TCF12: variants seen among roughly 807,000 people sequenced by gnomAD.
TCF12 encodes DNA-binding protein HTF4.
A neutral mutation model predicts 86.0 loss-of-function variants in TCF12; 45 were observed. That is an observed-to-expected ratio of 0.52 (90% CI 0.41 to 0.67). The LOEUF is 0.67. TCF12 is among the 30% of genes least tolerant of loss of function. The pLI, the probability that TCF12 is intolerant of heterozygous loss-of-function variation, is 0.00. For synonymous variants in TCF12, 330 were observed against 299.6 expected, an observed-to-expected ratio of 1.10 and a Z score of -1.05; for missense variants, 881 against 859.9, an observed-to-expected ratio of 1.02 and a Z score of -0.31.
chr15:57,243,251 T>A (rs2059712070), intron 12 of TCF12, among the ~76,000 whole-genome samples: 1 of 152,198 alleles, frequency 6.6e-6, no homozygotes, highest in Non-Finnish European at 1.5e-5. Flanking sequence ...ATACATGTGA[T>A]CTATTTTATT....
chr15:57,281,770 T>G (rs2152131627), intron 19 of TCF12: 1 of 152,884 alleles, frequency 6.5e-6, no homozygotes, highest in Middle Eastern at 3.4e-3. Flanking sequence ...GAAAACAGGC[T>G]CAGGGCTCCC....
intron 3 of TCF12, among the ~76,000 whole-genome samples, chr15:56,943,929 G>A (rs1450322329): frequency 4.6e-5 from 7 of 152,058 alleles, no homozygotes; most frequent in African/African-American, 1.7e-4. Context: ...TTGAACCTAG[G>A]AATCGTAATT....
chr15:56,926,406 CATT>C (rs1255098428), intron 3 of TCF12, among the ~76,000 whole-genome samples: 5 of 151,910 alleles, frequency 3.3e-5, no homozygotes, highest in African/African-American at 7.3e-5. Flanking sequence ...AACAAACACA[CATT>C]ATTGTAGTTT....
intron 8 of TCF12, among the ~76,000 whole-genome samples, chr15:57,202,029 C>T (rs1479054158): frequency 6.6e-6 from 1 of 152,158 alleles, no homozygotes; most frequent in African/African-American, 2.4e-5. Flanking sequence ...GTTAGTGGTG[C>T]AAGACTTCAT....
intron 6 of TCF12, among the ~76,000 whole-genome samples, chr15:57,181,248 T>G (rs1435130064): frequency 2.0e-5 from 3 of 151,990 alleles, no homozygotes; most frequent in African/African-American, 7.2e-5. Context: ...ACACTTAATT[T>G]TCCCTTTCTG....
chr15:57,243,785 A>G (rs1284775630), intron 13 of TCF12, among the ~76,000 whole-genome samples: 2 of 152,200 alleles, frequency 1.3e-5, no homozygotes, highest in Admixed American at 1.3e-4. Flanking sequence ...ATTTGTGATC[A>G]TTTCTAAGAA....
intron 3 of TCF12, among the ~76,000 whole-genome samples, chr15:57,019,996 A>T (rs2065380540): frequency 6.6e-6 from 1 of 152,150 alleles, no homozygotes; most frequent in African/African-American, 2.4e-5. Context: ...CTTGGCCTAT[A>T]TCCAGGAATG....
intron 3 of TCF12, among the ~76,000 whole-genome samples, chr15:57,016,506 A>G (rs1278889134): frequency 5.3e-5 from 8 of 152,172 alleles, no homozygotes; most frequent in Non-Finnish European, 1.0e-4. Flanking sequence ...CTTGCTGCTC[A>G]GAGTTCCTGT....
intron 3 of TCF12, among the ~76,000 whole-genome samples, chr15:57,053,218 A>G (rs1380383151): frequency 1.3e-5 from 2 of 152,164 alleles, no homozygotes; most frequent in African/African-American, 2.4e-5. Context: ...CCTGATATGT[A>G]TGATGCCGAG....
rs1410830938 is a variant in TCF12, at chr15:57,287,187, T to A, written c.*1042T>A. ...GCTGTAAGTAAGCACAAAATACATT[T>A]AAAATACAAAGACGATTTTTTCAGG... On this transcript the variant is annotated 3_prime_UTR_variant, in exon 21 of 21. Coordinates refer to ENST00000333725, the MANE Select transcript of TCF12 (RefSeq NM_207037.2). The A allele has an allele frequency of 6.5e-6, 1 of 153,596 alleles. No individual in the cohort carries two copies. The highest frequency in any genetic ancestry group is 2.4e-5 in the African/African-American group (1 of 41,456). 9.5% of individuals were successfully genotyped at this position (153,596 alleles called of 1,614,324 possible). A position where few individuals can be genotyped will look rare whatever the true frequency, so the allele number is the denominator to read the frequency against.
chr15:57,037,679 C>T (rs1465444666), intron 3 of TCF12, among the ~76,000 whole-genome samples: 1 of 152,072 alleles, frequency 6.6e-6, no homozygotes, highest in Non-Finnish European at 1.5e-5. Context: ...TAACAAGTAC[C>T]CTTGCTTTTT....
intron 5 of TCF12, among the ~76,000 whole-genome samples, chr15:57,131,593 T>C (rs544030038): frequency 1.3e-5 from 2 of 152,332 alleles, no homozygotes; most frequent in East Asian, 3.9e-4. Context: ...AAATGACCAC[T>C]TATAACAATA....
chr15:57,074,168 C>T (rs2151014535), intron 4 of TCF12, among the ~76,000 whole-genome samples: 1 of 152,172 alleles, frequency 6.6e-6, no homozygotes, highest in East Asian at 1.9e-4. Context: ...TTCTAGTTTT[C>T]ACCACTCTAT....
intron 3 of TCF12, among the ~76,000 whole-genome samples, chr15:56,994,772 G>A (rs145076609): frequency 2.0e-4 from 31 of 152,160 alleles, no homozygotes; most frequent in African/African-American, 7.0e-4. Context: ...GAAAAACTAA[G>A]AATATCTGTT....
intron 5 of TCF12, among the ~76,000 whole-genome samples, chr15:57,123,534 G>A (rs1238873012): frequency 6.7e-6 from 1 of 149,332 alleles, no homozygotes; most frequent in Non-Finnish European, 1.5e-5. Flanking sequence ...CTTTTTTTAA[G>A]ACAGGATCTT....
At chr15:57,118,493 T>G (rs1334827144) in intron 5 of TCF12, 1 of 152,172 alleles carries the variant, frequency 6.6e-6, no homozygotes, top group Non-Finnish European at 1.5e-5. Flanking sequence ...TTTGACATCT[T>G]ACCAATTTGA....
chr15:57,132,791 C>A (rs1476190681), intron 5 of TCF12, among the ~76,000 whole-genome samples: 1 of 152,164 alleles, frequency 6.6e-6, no homozygotes, highest in Non-Finnish European at 1.5e-5. Context: ...TGCCTACATC[C>A]TCTCTGAGTA....
intron 3 of TCF12, among the ~76,000 whole-genome samples, chr15:56,969,397 C>T (rs965664718): frequency 4.6e-5 from 7 of 151,912 alleles, no homozygotes; most frequent in African/African-American, 1.2e-4. Context: ...ATCTTGGGCC[C>T]GTGCTACAGA....
chr15:57,253,616 A>C (rs973214569), intron 16 of TCF12, 148 bp downstream of exon 16: 1 of 866,834 alleles, frequency 1.2e-6, no homozygotes, highest in Non-Finnish European at 1.8e-6. Flanking sequence ...GCAGTAAAGT[A>C]TTGGCTAAGT....
Sources: allele counts gnomAD v4.1 joint callset (sites outside exome capture counted in the v4.1 genomes callset), GRCh38; gene constraint gnomAD v4.1.1; transcripts MANE v1.5; gene names NCBI Gene and HGNC (gene_info 2026-07-23, HGNC 2026-07-21).